CASD1: variants seen among roughly 807,000 people sequenced by gnomAD.
The protein encoded by CASD1 is N-acetylneuraminate (7)9-O-acetyltransferase.
CASD1 carries 41 observed loss-of-function variants against 100.0 expected under a neutral mutation model. That is an observed-to-expected ratio of 0.41 (90% CI 0.32 to 0.53). The LOEUF is 0.53. Among genes scored for constraint, CASD1 ranks in the 20% least tolerant of loss-of-function variants. The pLI is 0.25. For synonymous variants in CASD1, 321 were observed against 315.6 expected (o/e 1.02, Z -0.18); for missense variants, 774 against 948.7 (o/e 0.82, Z 2.42).
chr7:94,560,790 T>G (rs1796327109), downstream of CASD1, among the ~76,000 whole-genome samples: 1 of 152,174 alleles, frequency 6.6e-6, no homozygotes, highest in Non-Finnish European at 1.5e-5. Flanking sequence ...ATTCCCATTC[T>G]TACTCTGTAT....
chr7:94,540,392 A>G (rs186627978), intron 10 of CASD1, among the ~76,000 whole-genome samples: 3 of 152,284 alleles, frequency 2.0e-5, no homozygotes, highest in Non-Finnish European at 4.4e-5. Flanking sequence ...GATAAATAAC[A>G]TGGTTACTAG....
chr7:94,522,458 T>C (rs546965319), intron 3 of CASD1, among the ~76,000 whole-genome samples: 2 of 152,284 alleles, frequency 1.3e-5, no homozygotes, highest in Non-Finnish European at 2.9e-5. Context: ...CAAGGAGAAA[T>C]TGGCAAATTC....
Position 94,539,000 on chromosome 7 carries a change from T to A in CASD1, c.1300T>A (p.Trp434Arg). ...KVLNREQTDEWKGWMQLVILI... is the reference protein window; with the variant it reads ...KVLNREQTDERKGWMQLVILI... The stretch of plus-strand genomic sequence containing the variant: ...ATTAAATAGAGAACAAACAGACGAA[T>A]GGAAAGGCTGGATGCAACTTGTGAT... The change falls in exon 10 of 18, where the codon TGG becomes AGG. Residue 434 changes from tryptophan to arginine, a missense_variant. Trp to Arg is a moderately radical substitution (Grantham distance 101). Coordinates refer to ENST00000297273, the MANE Select transcript of CASD1 (RefSeq NM_022900.5). 1 of 1,609,410 alleles carries A rather than the reference T, an allele frequency of 6.2e-7. No individual in the cohort carries two copies. Among genetic ancestry groups the A allele is most frequent in the Non-Finnish European group, 8.5e-7 (1 of 1,176,430 alleles).
chr7:94,565,805 T>C, the CASD1 span, among the ~76,000 whole-genome samples: 4 of 152,112 alleles, frequency 2.6e-5, no homozygotes, highest in Non-Finnish European at 5.9e-5. Context: ...TCACTTTGGG[T>C]TCCCTAGAAG....
chr7:94,551,316 A>G (rs772203995), intron 14 of CASD1, 22 bp from the exon 15 acceptor site: 3 of 1,520,422 alleles, frequency 2.0e-6, no homozygotes, highest in Non-Finnish European at 2.6e-6. Context: ...TTTAAAACAA[A>G]TTTTCTCTCT....
At chr7:94,568,483 GA>G in the CASD1 span, among the ~76,000 whole-genome samples, 3 of 152,020 alleles carry the variant, frequency 2.0e-5, no homozygotes, top group Non-Finnish European at 4.4e-5. Flanking sequence ...TGCTATGTTA[GA>G]AAAAAATTTT....
At chr7:94,599,223 G>C in the CASD1 span, 1 of 362,498 alleles carries the variant, frequency 2.8e-6, no homozygotes, top group African/African-American at 2.1e-5. Flanking sequence ...TAATATTACT[G>C]TCCTAAGTAA....
At chr7:94,580,923 C>T in the CASD1 span, among the ~76,000 whole-genome samples, 2 of 152,174 alleles carry the variant, frequency 1.3e-5, no homozygotes, top group African/African-American at 4.8e-5. Flanking sequence ...CAAGAGCCCT[C>T]TCCAGGGAAC....
At chr7:94,575,302 T>G in the CASD1 span, among the ~76,000 whole-genome samples, 2 of 152,206 alleles carry the variant, frequency 1.3e-5, no homozygotes, top group East Asian at 3.8e-4. Context: ...ATTTCATTAT[T>G]TACCCAAAAG....
At chr7:94,510,332 C>G in intron 1 of CASD1, 115 bp downstream of exon 1, 5 of 802,942 alleles carry the variant, frequency 6.2e-6, no homozygotes, top group Non-Finnish European at 8.6e-6. Flanking sequence ...CGGCCCGGCC[C>G]GCGGGGGAGG....
At chr7:94,631,137 C>G in the CASD1 span, among the ~76,000 whole-genome samples, 829 of 149,328 alleles carry the variant, frequency 5.6e-3, 8 homozygotes, top group African/African-American at 0.019. Context: ...CTATTCTTTC[C>G]TGATTTGTTT....
At chr7:94,606,573 A>G in the CASD1 span, among the ~76,000 whole-genome samples, 1 of 152,236 alleles carries the variant, frequency 6.6e-6, no homozygotes, top group African/African-American at 2.4e-5. Flanking sequence ...CACAACCAGC[A>G]GGCAGAAAAT....
Position 94,511,021 on chromosome 7 carries a change from A to G in CASD1, c.133+804A>G, listed in dbSNP as rs1793680068. 2.6e-5 allele frequency among the ~76,000 whole-genome samples: 4 copies of G among 152,238 alleles called. No homozygotes were observed. The South Asian group carries it at 8.3e-4, about 31-fold the overall frequency. ...AAATTGGTGTAAAGGGGAAAAGGAAATATGACCTGATTTGAGAATGAATTA... is the reference window on the plus strand; with the variant it reads ...AAATTGGTGTAAAGGGGAAAAGGAAGTATGACCTGATTTGAGAATGAATTA... On this transcript the variant is annotated intron_variant, in intron 1 of 17. Coordinates refer to ENST00000297273, the MANE Select transcript of CASD1 (RefSeq NM_022900.5).
At chr7:94,559,515 A>ATTGTTTTGCTTTTGTT, downstream of CASD1, among the ~76,000 whole-genome samples, 1 of 151,880 alleles carries the variant, frequency 6.6e-6, no homozygotes, top group Admixed American at 6.6e-5. Flanking sequence ...AGATACTAAA[A>ATTGTTTTGCTTTTGTT]TTGTTTTGCT....
At chr7:94,558,738 A>G (rs926747375), downstream of CASD1, among the ~76,000 whole-genome samples, 4 of 152,090 alleles carry the variant, frequency 2.6e-5, no homozygotes, top group Admixed American at 6.6e-5. Flanking sequence ...CGTCCAAACT[A>G]TATTCCCAAA....
chr7:94,535,386 G>T lies in CASD1; in HGVS notation c.706G>T (p.Ala236Ser). Reference protein sequence around the residue: ...NEKIDAYNEAAVSILNSSTRN... With the variant: ...NEKIDAYNEASVSILNSSTRN... ...GAAGATAGATGCTTACAATGAAGCT[G>T]CAGTCAGTATTTTGAATAGTAGCAC... The change falls in exon 8 of 18, where the codon GCA becomes TCA. Residue 236 changes from alanine (A) to serine (S), a missense_variant. Physicochemically the swap from Ala to Ser is moderately conservative, Grantham distance 99 (BLOSUM62 1). Transcript: ENST00000297273. 6.2e-7 allele frequency: 1 copy of T among 1,613,350 alleles called. No homozygotes were observed. Among genetic ancestry groups the T allele is most frequent in the Non-Finnish European group, 8.5e-7 (1 of 1,179,492 alleles).
intron 10 of CASD1, 137 bp from the exon 11 acceptor site, chr7:94,544,274 T>A (rs1795563410): frequency 2.8e-6 from 3 of 1,077,448 alleles, no homozygotes. Context: ...ATGACTAACT[T>A]TTGAGAATCA....
chr7:94,624,545 G>C, the CASD1 span: 1 of 248,228 alleles, frequency 4.0e-6, no homozygotes, highest in Non-Finnish European at 7.6e-6. Flanking sequence ...TTATCTGTTG[G>C]GACACATGAT....
chr7:94,620,272 T>A, the CASD1 span: 1 of 152,044 alleles, frequency 6.6e-6, no homozygotes, highest in Admixed American at 6.5e-5. Context: ...TTCAACAGAG[T>A]TTTCTAGAGT....
Sources: allele counts gnomAD v4.1 joint callset (sites outside exome capture counted in the v4.1 genomes callset), GRCh38; gene constraint gnomAD v4.1.1; transcripts MANE v1.5; gene names NCBI Gene and HGNC (gene_info 2026-07-23, HGNC 2026-07-21).